The following TAFA1 variants were observed in gnomAD, a reference collection of about 807,000 sequenced individuals.
TAFA1 encodes the protein chemokine-like protein TAFA-1.
TAFA1 carries 4 observed loss-of-function variants against 18.5 expected under a neutral mutation model. That is an observed-to-expected ratio of 0.22 (90% confidence interval 0.11 to 0.49). TAFA1 has a LOEUF of 0.49. Among genes scored for constraint, TAFA1 ranks in the 20% least tolerant of loss-of-function variants. The pLI is 0.98. For missense variants in TAFA1, 147 were observed against 169.0 expected (o/e 0.87, Z 0.72); for synonymous variants, 56 against 55.2 (o/e 1.01, Z -0.06).
intron 2 of TAFA1, among the ~76,000 whole-genome samples, chr3:68,208,847 C>T (rs991606509): frequency 1.3e-5 from 2 of 151,944 alleles, no homozygotes; most frequent in African/African-American, 4.8e-5. Context: ...ACTTAGTGTG[C>T]TCTGAATAAG....
At chr3:68,437,308 C>T (rs2071282846) in intron 3 of TAFA1, among the ~76,000 whole-genome samples, 1 of 152,114 alleles carries the variant, frequency 6.6e-6, no homozygotes, top group Non-Finnish European at 1.5e-5. Flanking sequence ...AGAAATATGT[C>T]CAGGTCTACA....
intron 2 of TAFA1, among the ~76,000 whole-genome samples, chr3:68,080,561 C>T (rs997215993): frequency 2.2e-4 from 34 of 151,970 alleles, no homozygotes; most frequent in Admixed American, 6.6e-5. Flanking sequence ...TTTATTTCTC[C>T]TTTGCTTATG....
intron 2 of TAFA1, among the ~76,000 whole-genome samples, chr3:68,232,912 G>A (rs931685901): frequency 1.3e-5 from 2 of 152,092 alleles, no homozygotes; most frequent in Non-Finnish European, 2.9e-5. Context: ...CCTATTTTTA[G>A]TTTTTTAAGG....
intron 2 of TAFA1, among the ~76,000 whole-genome samples, chr3:68,399,643 T>C (rs553687880): frequency 2.4e-4 from 36 of 152,256 alleles, no homozygotes; most frequent in African/African-American, 7.7e-4. Flanking sequence ...TGGATATATA[T>C]TAATAATAAT....
chr3:68,301,215 A>G (rs1198830859), intron 2 of TAFA1, among the ~76,000 whole-genome samples: 1 of 152,094 alleles, frequency 6.6e-6, no homozygotes, highest in Non-Finnish European at 1.5e-5. Context: ...CCTTCCATTA[A>G]TTCTCCTTGA....
At chr3:68,104,304 A>G (rs1168942197) in intron 2 of TAFA1, among the ~76,000 whole-genome samples, 2 of 152,154 alleles carry the variant, frequency 1.3e-5, no homozygotes, top group Non-Finnish European at 2.9e-5. Context: ...ACATCATTCA[A>G]TTAAGTCTTT....
chr3:68,007,171 G>T (rs192978153), intron 2 of TAFA1, among the ~76,000 whole-genome samples: 1 of 152,276 alleles, frequency 6.6e-6, no homozygotes, highest in East Asian at 1.9e-4. Flanking sequence ...CAATGAAAAA[G>T]AAATTAAAAA....
At chr3:68,123,710 GTA>G (rs1324132638) in intron 2 of TAFA1, among the ~76,000 whole-genome samples, 1 of 152,064 alleles carries the variant, frequency 6.6e-6, no homozygotes, top group Non-Finnish European at 1.5e-5. Flanking sequence ...TCCATGGGAA[GTA>G]TTTCTAAATC....
At chr3:68,393,214 A>G (rs1392251654) in intron 2 of TAFA1, among the ~76,000 whole-genome samples, 1 of 152,198 alleles carries the variant, frequency 6.6e-6, no homozygotes, top group Non-Finnish European at 1.5e-5. Context: ...ATCATCAGAG[A>G]ATACTATAAA....
At chr3:68,442,208 A>G (rs925812424) in intron 3 of TAFA1, among the ~76,000 whole-genome samples, 9 of 152,158 alleles carry the variant, frequency 5.9e-5, no homozygotes, top group African/African-American at 2.2e-4. Context: ...ATTAAAGAAA[A>G]GGAATTTATT....
At chr3:68,308,116 G>A (rs892427496) in intron 2 of TAFA1, among the ~76,000 whole-genome samples, 1 of 152,054 alleles carries the variant, frequency 6.6e-6, no homozygotes, top group African/African-American at 2.4e-5. Context: ...AAATGATGGA[G>A]CATTCATGTG....
chr3:68,403,093 C>T (rs2070530253), intron 2 of TAFA1, among the ~76,000 whole-genome samples: 2 of 152,130 alleles, frequency 1.3e-5, no homozygotes, highest in Non-Finnish European at 1.5e-5. Flanking sequence ...TAGCTGCCTA[C>T]AGTATGCAGT....
chr3:68,108,466 G>GTGCA (rs1553641699), intron 2 of TAFA1, among the ~76,000 whole-genome samples: 429 of 10,400 alleles, frequency 0.041, 4 homozygotes, highest in African/African-American at 0.051. Context: ...GTGTGTGCAT[G>GTGCA]TGTGTGTGTG....
At chr3:68,361,360 G>T (rs987978574) in intron 2 of TAFA1, among the ~76,000 whole-genome samples, 1 of 151,846 alleles carries the variant, frequency 6.6e-6, no homozygotes, top group South Asian at 2.1e-4. Flanking sequence ...AGTGAGTAGG[G>T]TTACAGAAAA....
Position 68,232,274 on chromosome 3 carries a change from C to T in TAFA1, c.119-185006C>T, listed in dbSNP as rs989429441. Among the ~76,000 whole-genome samples the T allele has an allele frequency of 6.6e-5, 10 of 152,266 alleles. No individual in the cohort carries two copies. The South Asian group carries it at 1.2e-3, about 19-fold the overall frequency. ...CAATTCTACTCTCTACTTTTATATG[C>T]TCAACTTTTTTAGCTCCCCCATATG... On this transcript the variant is annotated intron_variant, in intron 2 of 4. Coordinates refer to ENST00000478136, the MANE Select transcript of TAFA1 (RefSeq NM_213609.4).
At chr3:68,040,676 A>T (rs899552373) in intron 2 of TAFA1, among the ~76,000 whole-genome samples, 2 of 152,274 alleles carry the variant, frequency 1.3e-5, no homozygotes, top group African/African-American at 2.4e-5. Flanking sequence ...AGAGTTGCAC[A>T]TTCCTGATTC....
intron 3 of TAFA1, among the ~76,000 whole-genome samples, chr3:68,482,103 C>T (rs999022690): frequency 2.6e-5 from 4 of 152,316 alleles, no homozygotes; most frequent in Admixed American, 6.5e-5. Flanking sequence ...CTCTGCCTCC[C>T]GGGTTCATGC....
At chr3:68,543,073 G>A (rs754407777) in intron 4 of TAFA1, among the ~76,000 whole-genome samples, 4 of 152,142 alleles carry the variant, frequency 2.6e-5, no homozygotes, top group Non-Finnish European at 5.9e-5. Context: ...TGTGAGGGAC[G>A]TATGTGGCTT....
At chr3:68,482,287 G>A (rs887319493) in intron 3 of TAFA1, among the ~76,000 whole-genome samples, 6 of 152,330 alleles carry the variant, frequency 3.9e-5, no homozygotes, top group African/African-American at 1.2e-4. Context: ...GATTGCAGGT[G>A]TGAAATTCTT....
Sources: gnomAD v4.1 joint callset for allele counts (sites outside exome capture counted in the v4.1 genomes callset) on GRCh38, gnomAD v4.1.1 for gene constraint, MANE v1.5 for transcripts, NCBI Gene and HGNC (gene_info 2026-07-23, HGNC 2026-07-21) for gene names.